Variants in SGCZ observed in about 807,000 individuals in gnomAD.
SGCZ encodes sarcoglycan zeta, also known as zeta-sarcoglycan.
In SGCZ, 40 loss-of-function variants were observed where a neutral mutation model predicts 41.3. The observed-to-expected ratio is 0.97, with a 90% CI of 0.75 to 1.26. The LOEUF (loss-of-function observed/expected upper bound fraction) is 1.26, where lower values mean the gene tolerates loss of function less well. SGCZ is among the 50% of genes most tolerant of loss of function. The pLI is 0.00. For synonymous variants in SGCZ, 206 were observed against 137.5 expected (o/e 1.50, Z -3.49); for missense variants, 552 against 369.8 (o/e 1.49, Z -4.04).
At chr8:14,326,550 G>C (rs1032094682) in intron 2 of SGCZ, among the ~76,000 whole-genome samples, 1 of 152,064 alleles carries the variant, frequency 6.6e-6, no homozygotes, top group African/African-American at 2.4e-5. Context: ...GAAAGTAAGA[G>C]ATTTGGGTTA....
At chr8:14,973,911 A>T (rs1215979704) in intron 1 of SGCZ, among the ~76,000 whole-genome samples, 1 of 152,176 alleles carries the variant, frequency 6.6e-6, no homozygotes, top group South Asian at 2.1e-4. Flanking sequence ...TGTACATGAC[A>T]TAAGAGACTA....
Position 14,215,680 on chromosome 8 carries a change from T to C in SGCZ, c.424+21912A>G, listed in dbSNP as rs563274987. ...GACCATATCACTATAGATAGTTTAA[T>C]CTTTAGAATAATAAGATATCATAAA... On this transcript the variant is annotated intron_variant, in intron 4 of 7. Coordinates refer to ENST00000382080, the MANE Select transcript of SGCZ (RefSeq NM_139167.4). 1.1e-4 allele frequency among the ~76,000 whole-genome samples: 16 copies of C among 152,264 alleles called. No individual in the cohort carries two copies. The South Asian group carries it at 1.2e-3, about 12-fold the overall frequency.
chr8:14,622,712 C>T (rs1261624376), intron 1 of SGCZ, among the ~76,000 whole-genome samples: 1 of 152,106 alleles, frequency 6.6e-6, no homozygotes, highest in East Asian at 1.9e-4. Flanking sequence ...GACACAATGA[C>T]ATTAAGTGAG....
At chr8:14,373,570 A>G (rs1392864804) in intron 2 of SGCZ, among the ~76,000 whole-genome samples, 1 of 152,194 alleles carries the variant, frequency 6.6e-6, no homozygotes, top group Non-Finnish European at 1.5e-5. Context: ...AGAGGTAGAA[A>G]TTAAACAAAG....
At chr8:15,007,500 A>G (rs1225777739) in intron 1 of SGCZ, among the ~76,000 whole-genome samples, 1 of 152,242 alleles carries the variant, frequency 6.6e-6, no homozygotes, top group Admixed American at 6.5e-5. Flanking sequence ...ATGAGCCACA[A>G]ACTGGGTGCA....
At chr8:14,651,735 C>G in intron 1 of SGCZ, among the ~76,000 whole-genome samples, 1 of 151,982 alleles carries the variant, frequency 6.6e-6, no homozygotes, top group East Asian at 1.9e-4. Flanking sequence ...CTTGCCCATC[C>G]TTGCTGTAGA....
chr8:14,577,384 C>CTT (rs57432939), intron 1 of SGCZ, among the ~76,000 whole-genome samples: 3,693 of 111,780 alleles, frequency 0.033, 274 homozygotes, highest in African/African-American at 0.11. Context: ...AGAAATATAT[C>CTT]TTTTTTTTTT....
intron 7 of SGCZ, among the ~76,000 whole-genome samples, chr8:14,098,792 G>A (rs1395130722): frequency 6.6e-6 from 1 of 152,152 alleles, no homozygotes; most frequent in African/African-American, 2.4e-5. Flanking sequence ...GTAAGAGTAA[G>A]TAAGGATTGC....
At chr8:14,420,666 C>A (rs775263131) in intron 2 of SGCZ, among the ~76,000 whole-genome samples, 1 of 151,984 alleles carries the variant, frequency 6.6e-6, no homozygotes. Flanking sequence ...AGCAATAGAA[C>A]TGGAGAAATA....
intron 3 of SGCZ, among the ~76,000 whole-genome samples, chr8:14,290,003 G>C (rs528291769): frequency 6.6e-6 from 1 of 151,844 alleles, no homozygotes; most frequent in Non-Finnish European, 1.5e-5. Flanking sequence ...CAGATCTTGT[G>C]AGAACTCCAG....
chr8:14,612,673 T>G (rs1450102345), intron 1 of SGCZ, among the ~76,000 whole-genome samples: 4 of 151,890 alleles, frequency 2.6e-5, no homozygotes, highest in Admixed American at 2.6e-4. Context: ...GTTTTTTTGT[T>G]TTTTTGTTTT....
At chr8:15,193,286 G>A (rs1299050958) in intron 1 of SGCZ, among the ~76,000 whole-genome samples, 2 of 152,080 alleles carry the variant, frequency 1.3e-5, no homozygotes, top group African/African-American at 4.8e-5. Flanking sequence ...ATATATCACT[G>A]AATATAATCT....
At chr8:14,864,779 A>T (rs1052603794) in intron 1 of SGCZ, among the ~76,000 whole-genome samples, 1 of 152,090 alleles carries the variant, frequency 6.6e-6, no homozygotes, top group African/African-American at 2.4e-5. Flanking sequence ...ACTAATTTGT[A>T]TTCCCACCAA....
At chr8:14,447,274 G>A (rs1044352316) in intron 2 of SGCZ, among the ~76,000 whole-genome samples, 2 of 152,074 alleles carry the variant, frequency 1.3e-5, no homozygotes, top group Non-Finnish European at 2.9e-5. Context: ...ATCTTTTCTT[G>A]CTAAAGTTGC....
intron 1 of SGCZ, among the ~76,000 whole-genome samples, chr8:14,890,316 G>A (rs1321016427): frequency 2.0e-5 from 3 of 152,068 alleles, no homozygotes; most frequent in African/African-American, 4.8e-5. Context: ...AAAAGAAAAA[G>A]TTCTTGAAGG....
At chr8:14,129,112 C>T (rs997047836) in intron 5 of SGCZ, among the ~76,000 whole-genome samples, 3 of 151,768 alleles carry the variant, frequency 2.0e-5, no homozygotes, top group Non-Finnish European at 2.9e-5. Flanking sequence ...TTTGGAAGGC[C>T]GAGGTGGGTG....
chr8:14,990,497 C>G (rs373483126), intron 1 of SGCZ, among the ~76,000 whole-genome samples: 1 of 152,002 alleles, frequency 6.6e-6, no homozygotes, highest in Non-Finnish European at 1.5e-5. Flanking sequence ...CGTATTGGAG[C>G]GCAAACTCCA....
intron 1 of SGCZ, among the ~76,000 whole-genome samples, chr8:14,629,022 T>G (rs899584743): frequency 1.3e-5 from 2 of 152,158 alleles, no homozygotes; most frequent in African/African-American, 4.8e-5. Context: ...ACCAGCTGTG[T>G]TTAATTTCCC....
intron 1 of SGCZ, among the ~76,000 whole-genome samples, chr8:14,890,946 T>G (rs1171438577): frequency 2.0e-5 from 3 of 152,218 alleles, no homozygotes; most frequent in African/African-American, 4.8e-5. Context: ...ATAGCAGCAC[T>G]TCTGTTTATA....
Sources: allele counts gnomAD v4.1 joint callset (sites outside exome capture counted in the v4.1 genomes callset), GRCh38; gene constraint gnomAD v4.1.1; transcripts MANE v1.5; gene names NCBI Gene and HGNC (gene_info 2026-07-23, HGNC 2026-07-21).